The following GRIK2 variants were observed in gnomAD, a reference collection of about 807,000 sequenced individuals.
GRIK2 encodes the protein glutamate ionotropic receptor kainate type subunit 2, also known as glutamate receptor ionotropic, kainate 2.
A neutral mutation model predicts 100.3 loss-of-function variants in GRIK2; 32 were observed. That is an observed-to-expected ratio of 0.32 (90% CI 0.24 to 0.43). The LOEUF is 0.43. Ranked by LOEUF, GRIK2 falls within the 20% of genes least tolerant of loss-of-function variation. The probability of loss-of-function intolerance (pLI) is 1.00; values close to 1 mark genes in which losing one functional copy is unlikely to be tolerated. For missense variants in GRIK2, 843 were observed against 1,114.9 expected (o/e 0.76, Z 3.47); for synonymous variants, 417 against 389.4 (o/e 1.07, Z -0.83).
intron 7 of GRIK2, among the ~76,000 whole-genome samples, chr6:101,798,233 A>G (rs889541809): frequency 1.3e-5 from 2 of 151,984 alleles, no homozygotes; most frequent in African/African-American, 4.8e-5. Context: ...AAAACGCTCA[A>G]AATGTATCTT....
intron 2 of GRIK2, among the ~76,000 whole-genome samples, chr6:101,512,436 T>C (rs1774369227): frequency 6.6e-6 from 1 of 152,036 alleles, no homozygotes; most frequent in Non-Finnish European, 1.5e-5. Context: ...CTCACAAAAA[T>C]ATATAGATCT....
At chr6:101,724,215 AG>A (rs773046938) in intron 7 of GRIK2, among the ~76,000 whole-genome samples, 3 of 151,694 alleles carry the variant, frequency 2.0e-5, no homozygotes, top group Admixed American at 6.6e-5. Context: ...TTTTAGATTC[AG>A]GGGGTACATG....
At chr6:101,688,918 T>A (rs753363439) in intron 7 of GRIK2, among the ~76,000 whole-genome samples, 6 of 152,050 alleles carry the variant, frequency 3.9e-5, no homozygotes, top group South Asian at 4.1e-4. Context: ...ACCAAAATTT[T>A]AAAAAAATAC....
intron 2 of GRIK2, among the ~76,000 whole-genome samples, chr6:101,607,254 G>A (rs542668): frequency 0.026 from 3,931 of 151,972 alleles, 171 homozygotes; most frequent in African/African-American, 0.09. Flanking sequence ...TGTGTGAAGC[G>A]TTATATGGGT....
At chr6:101,863,015 G>T (rs543057117) in intron 11 of GRIK2, among the ~76,000 whole-genome samples, 2 of 152,180 alleles carry the variant, frequency 1.3e-5, no homozygotes, top group African/African-American at 4.8e-5. Flanking sequence ...AAATTAGGAT[G>T]CTATTTTATC....
At chr6:101,970,294 A>G (rs928998095) in intron 14 of GRIK2, among the ~76,000 whole-genome samples, 4 of 152,066 alleles carry the variant, frequency 2.6e-5, no homozygotes, top group African/African-American at 4.8e-5. Flanking sequence ...GCAAGCCCCA[A>G]AATTTGGGCT....
intron 14 of GRIK2, among the ~76,000 whole-genome samples, chr6:101,964,237 A>G (rs1441645380): frequency 1.3e-5 from 2 of 151,494 alleles, no homozygotes; most frequent in East Asian, 1.9e-4. Flanking sequence ...TAATAAAACA[A>G]TGCTAACACA....
intron 7 of GRIK2, among the ~76,000 whole-genome samples, chr6:101,789,213 A>G (rs1779653591): frequency 6.6e-6 from 1 of 152,176 alleles, no homozygotes; most frequent in East Asian, 1.9e-4. Context: ...TAGTTTAATT[A>G]GATCCCATTT....
chr6:102,038,614 C>T (rs951321641), intron 15 of GRIK2, among the ~76,000 whole-genome samples: 3 of 150,284 alleles, frequency 2.0e-5, no homozygotes, highest in East Asian at 3.9e-4. Flanking sequence ...AATATATTTA[C>T]TTACTTACTT....
rs764522088 is a variant in GRIK2 at position 101,889,732 on chromosome 6, T to C, written c.1617T>C (p.Ser539=). ...FSKPFMTLGI[S]ILYRKPNGTN... ...AGCCCTTTATGACACTTGGAATAAGTATTTTGTACCGCAAGCCCAATGGTA... is the reference window on the plus strand; with the variant it reads ...AGCCCTTTATGACACTTGGAATAAGCATTTTGTACCGCAAGCCCAATGGTA... Residue 539 remains serine (S), a synonymous_variant, in exon 12 of 17, where the codon AGT becomes AGC. Coordinates refer to ENST00000369134, the MANE Select transcript of GRIK2 (RefSeq NM_021956.5). The C allele has an allele frequency of 3.1e-6, 5 of 1,613,062 alleles. No homozygotes were observed. In the East Asian group the frequency reaches 6.7e-5, roughly 22 times the overall value.
At chr6:101,428,363 A>ATT (rs1233434885) in intron 2 of GRIK2, among the ~76,000 whole-genome samples, 1 of 152,154 alleles carries the variant, frequency 6.6e-6, no homozygotes, top group African/African-American at 2.4e-5. Context: ...GGTTACAGAT[A>ATT]TTTTTACAGA....
intron 7 of GRIK2, among the ~76,000 whole-genome samples, chr6:101,789,027 C>G (rs1779636357): frequency 6.6e-6 from 1 of 152,054 alleles, no homozygotes; most frequent in Admixed American, 6.6e-5. Flanking sequence ...AGTGTGTGTT[C>G]ATATCCTTCG....
chr6:101,715,540 A>G (rs1034130384), intron 7 of GRIK2, among the ~76,000 whole-genome samples: 6 of 151,810 alleles, frequency 4.0e-5, no homozygotes, highest in African/African-American at 1.4e-4. Context: ...AGTTTGGTCT[A>G]CGTCTAGGGA....
chr6:101,584,455 CT>C (rs1778255868), intron 2 of GRIK2, among the ~76,000 whole-genome samples: 1 of 151,948 alleles, frequency 6.6e-6, no homozygotes, highest in Non-Finnish European at 1.5e-5. Flanking sequence ...CTAAAAAAGT[CT>C]GCTTTGTACA....
intron 14 of GRIK2, among the ~76,000 whole-genome samples, chr6:101,988,724 C>G (rs1794189117): frequency 1.3e-5 from 2 of 151,840 alleles, no homozygotes; most frequent in African/African-American, 4.8e-5. Context: ...TGGATATACA[C>G]TCCTGATGAT....
chr6:101,679,996 C>T lies in GRIK2; in HGVS notation c.724-2557C>T, dbSNP rs535598172. Among the ~76,000 whole-genome samples, 8 of 152,290 alleles carry T rather than the reference C, an allele frequency of 5.3e-5. No homozygotes were observed. The South Asian group carries it at 1.4e-3, about 28-fold the overall frequency. Reference sequence around the variant, plus strand: ...CTCGTGATCCACCTGCCTTGGCCTCCCAAAGTGCTGGGATTACAGGCATGA... The same window carrying T: ...CTCGTGATCCACCTGCCTTGGCCTCTCAAAGTGCTGGGATTACAGGCATGA... On this transcript the variant is annotated intron_variant, in intron 5 of 16. Coordinates refer to ENST00000369134, the MANE Select transcript of GRIK2 (RefSeq NM_021956.5).
intron 10 of GRIK2, among the ~76,000 whole-genome samples, chr6:101,857,669 C>G (rs568389752): frequency 6.6e-6 from 1 of 152,308 alleles, no homozygotes; most frequent in African/African-American, 2.4e-5. Context: ...TGCCCATAAG[C>G]AAATAGTGAA....
At chr6:101,852,612 C>G (rs570001183) in intron 10 of GRIK2, among the ~76,000 whole-genome samples, 2 of 152,210 alleles carry the variant, frequency 1.3e-5, no homozygotes, top group South Asian at 4.1e-4. Context: ...GTAAATCGCT[C>G]AAGTCTAGTT....
At chr6:101,770,371 G>T (rs73761424) in intron 7 of GRIK2, among the ~76,000 whole-genome samples, 3,870 of 152,204 alleles carry the variant, frequency 0.025, 112 homozygotes, top group African/African-American at 0.067. Context: ...GCAGGTGAAG[G>T]TTATCAAACT....
Sources: allele counts gnomAD v4.1 joint callset (sites outside exome capture counted in the v4.1 genomes callset), GRCh38; gene constraint gnomAD v4.1.1; transcripts MANE v1.5; gene names NCBI Gene and HGNC (gene_info 2026-07-23, HGNC 2026-07-21).